The following ST6GAL1 variants were observed in gnomAD, a reference collection of about 807,000 sequenced individuals.
ST6GAL1 encodes ST6 beta-galactoside alpha-2,6-sialyltransferase 1.
Under a neutral mutation model 38.0 loss-of-function variants are expected in ST6GAL1, and 20 were observed. The observed-to-expected ratio is 0.53, with a 90% CI of 0.37 to 0.77. ST6GAL1 has a LOEUF of 0.77. Ranked by LOEUF, ST6GAL1 falls within the 30% of genes least tolerant of loss-of-function variation. The pLI is 0.00. For synonymous variants in ST6GAL1, 196 were observed against 188.2 expected, an observed-to-expected ratio of 1.04 and a Z score of -0.34; for missense variants, 432 against 496.4, an observed-to-expected ratio of 0.87 and a Z score of 1.23.
chr3:186,976,612 T>C (rs1270065359), intron 2 of ST6GAL1, among the ~76,000 whole-genome samples: 1 of 152,090 alleles, frequency 6.6e-6, no homozygotes, highest in East Asian at 1.9e-4. Flanking sequence ...ACATTTTTGG[T>C]AGAGACAGGG....
intron 2 of ST6GAL1, among the ~76,000 whole-genome samples, chr3:187,033,613 C>T (rs1433843484): frequency 6.6e-6 from 1 of 152,022 alleles, no homozygotes; most frequent in Non-Finnish European, 1.5e-5. Context: ...TATTTTCTCC[C>T]CTATTACTAT....
At chr3:186,958,519 G>T (rs1714820488) in intron 1 of ST6GAL1, among the ~76,000 whole-genome samples, 1 of 151,936 alleles carries the variant, frequency 6.6e-6, no homozygotes, top group Non-Finnish European at 1.5e-5. Context: ...ACACTGAGAT[G>T]ACTCTGGAAA....
At chr3:187,024,406 T>C (rs1312193029) in intron 2 of ST6GAL1, among the ~76,000 whole-genome samples, 1 of 142,386 alleles carries the variant, frequency 7.0e-6, no homozygotes, top group Non-Finnish European at 1.5e-5. Flanking sequence ...ATGTTTTATA[T>C]ATATATATAC....
chr3:186,987,882 T>C (rs1216886117), intron 2 of ST6GAL1, among the ~76,000 whole-genome samples: 3 of 152,212 alleles, frequency 2.0e-5, no homozygotes, highest in Non-Finnish European at 4.4e-5. Context: ...CACAGAGTTA[T>C]TGGGGCTCGT....
chr3:187,062,727 G>A (rs942721895), intron 5 of ST6GAL1, among the ~76,000 whole-genome samples: 5 of 152,112 alleles, frequency 3.3e-5, no homozygotes, highest in African/African-American at 1.2e-4. Context: ...GATGGTTTGT[G>A]GTGATAGTTG....
intron 4 of ST6GAL1, among the ~76,000 whole-genome samples, chr3:187,049,479 C>T (rs1579359175): frequency 6.6e-6 from 1 of 152,158 alleles, no homozygotes; most frequent in African/African-American, 2.4e-5. Context: ...GATATTGACT[C>T]CCTCAGGCTC....
At chr3:186,969,413 GT>G (rs954095325) in intron 2 of ST6GAL1, among the ~76,000 whole-genome samples, 1 of 152,084 alleles carries the variant, frequency 6.6e-6, no homozygotes, top group African/African-American at 2.4e-5. Context: ...GTGCATTCCC[GT>G]AAACACTAAT....
chr3:187,023,757 A>G (rs373731234), intron 2 of ST6GAL1, among the ~76,000 whole-genome samples: 264 of 152,142 alleles, frequency 1.7e-3, no homozygotes, highest in African/African-American at 5.8e-3. Context: ...ACGGGGAGGG[A>G]TAGCATTAGG....
At chr3:186,936,531 A>G (rs1454701817) in intron 1 of ST6GAL1, among the ~76,000 whole-genome samples, 2 of 152,238 alleles carry the variant, frequency 1.3e-5, no homozygotes, top group Non-Finnish European at 2.9e-5. Context: ...TGAGCAGTAC[A>G]GTTTCACCAT....
At chr3:186,940,544 G>T (rs978807192) in intron 1 of ST6GAL1, among the ~76,000 whole-genome samples, 1 of 152,204 alleles carries the variant, frequency 6.6e-6, no homozygotes, top group Non-Finnish European at 1.5e-5. Context: ...CTTTGAATGC[G>T]GCCCAACACA....
chr3:187,042,151 G>C (rs1178956189), intron 3 of ST6GAL1, among the ~76,000 whole-genome samples: 14 of 151,980 alleles, frequency 9.2e-5, no homozygotes. Flanking sequence ...GGGGTGTTGG[G>C]CCACTTACTA....
chr3:187,047,537 A>G (rs1450356787), intron 4 of ST6GAL1, among the ~76,000 whole-genome samples: 2 of 152,100 alleles, frequency 1.3e-5, no homozygotes, highest in Non-Finnish European at 2.9e-5. Flanking sequence ...ACAGTGATGC[A>G]TTTATTTTTT....
At chr3:187,051,543 T>C (rs1438936381) in intron 5 of ST6GAL1, 197 bp downstream of exon 5, 1 of 548,060 alleles carries the variant, frequency 1.8e-6, no homozygotes, top group East Asian at 3.2e-5. Context: ...AGAAAAACCC[T>C]TTAGTATTAG....
intron 2 of ST6GAL1, among the ~76,000 whole-genome samples, chr3:186,970,911 A>G (rs531790978): frequency 6.6e-6 from 1 of 152,220 alleles, no homozygotes; most frequent in Non-Finnish European, 1.5e-5. Flanking sequence ...CTTCTCTGAT[A>G]TAAATGCCGA....
chr3:186,971,191 C>T (rs950263624), intron 2 of ST6GAL1, among the ~76,000 whole-genome samples: 14 of 152,318 alleles, frequency 9.2e-5, no homozygotes, highest in South Asian at 2.1e-4. Flanking sequence ...CGGGTTCAAG[C>T]GATTCTTCTG....
chr3:187,031,298 G>A (rs1219955944), intron 2 of ST6GAL1, among the ~76,000 whole-genome samples: 1 of 152,138 alleles, frequency 6.6e-6, no homozygotes, highest in Non-Finnish European at 1.5e-5. Context: ...AAGAGTCTTC[G>A]ACATTTAGAG....
At chr3:186,983,684 C>T (rs56140842) in intron 2 of ST6GAL1, among the ~76,000 whole-genome samples, 43,575 of 151,898 alleles carry the variant, frequency 0.29, 7,261 homozygotes, top group East Asian at 0.73. Context: ...GTAATTAACA[C>T]GAATTGCCTC....
chr3:186,977,572 T>C (rs368483524), intron 2 of ST6GAL1, among the ~76,000 whole-genome samples: 3 of 152,120 alleles, frequency 2.0e-5, no homozygotes, highest in Admixed American at 1.3e-4. Flanking sequence ...GTGGGAAATA[T>C]GATCCTACAG....
intron 2 of ST6GAL1, among the ~76,000 whole-genome samples, chr3:186,970,216 T>TTTTTC (rs1715300943): frequency 5.9e-5 from 2 of 34,096 alleles, no homozygotes; most frequent in South Asian, 1.7e-3. Context: ...TTTCTTTTTC[T>TTTTTC]TTTTTTTTTT....
Sources: allele counts gnomAD v4.1 joint callset (sites outside exome capture counted in the v4.1 genomes callset), GRCh38; gene constraint gnomAD v4.1.1; transcripts MANE v1.5; gene names NCBI Gene and HGNC (gene_info 2026-07-23, HGNC 2026-07-21).